The following SGMS2 variants were observed in gnomAD, a reference collection of about 807,000 sequenced individuals.
SGMS2 encodes sphingomyelin synthase 2.
A neutral mutation model predicts 43.8 loss-of-function variants in SGMS2; 21 were observed. The ratio of observed to expected loss-of-function variants is 0.48; its 90% CI spans 0.34 to 0.69. SGMS2 has a LOEUF of 0.69. Among genes scored for constraint, SGMS2 ranks in the 30% least tolerant of loss-of-function variants. The probability of loss-of-function intolerance (pLI) is 0.01; values close to 1 mark genes in which losing one functional copy is unlikely to be tolerated. For missense variants in SGMS2, 384 were observed against 443.2 expected (o/e 0.87, Z 1.20); for synonymous variants, 167 against 160.6 (o/e 1.04, Z -0.30).
chr4:107,897,783 T>C (rs1401153728), intron 3 of SGMS2, among the ~76,000 whole-genome samples: 1 of 152,220 alleles, frequency 6.6e-6, no homozygotes, highest in Non-Finnish European at 1.5e-5. Context: ...TCTTACATTT[T>C]AGTAACTAGT....
intron 2 of SGMS2, among the ~76,000 whole-genome samples, chr4:107,884,030 TAC>T (rs1219382221): frequency 1.3e-5 from 2 of 152,226 alleles, no homozygotes; most frequent in African/African-American, 4.8e-5. Context: ...TAATATTTTC[TAC>T]AGTTTGGACT....
intron 2 of SGMS2, among the ~76,000 whole-genome samples, chr4:107,886,147 G>A (rs1469391780): frequency 6.6e-6 from 1 of 151,876 alleles, no homozygotes; most frequent in Non-Finnish European, 1.5e-5. Context: ...GGTAGCAGCA[G>A]CAGGTTTACA....
chr4:107,866,582 A>C (rs145367143), intron 2 of SGMS2, among the ~76,000 whole-genome samples: 5,833 of 151,550 alleles, frequency 0.038, 157 homozygotes, highest in Middle Eastern at 0.11. Context: ...AAAACCAAAA[A>C]CAAAAAAAAA....
intron 1 of SGMS2, among the ~76,000 whole-genome samples, chr4:107,843,453 A>G (rs1726634810): frequency 6.6e-6 from 1 of 152,212 alleles, no homozygotes; most frequent in Admixed American, 6.5e-5. Flanking sequence ...TGGAAGCAGA[A>G]GTAGTGGAAG....
Position 107,908,626 on chromosome 4 carries a change from C to T in SGMS2, c.789C>T (p.Ile263=). The change falls in exon 6 of 7, where the codon ATC becomes ATT. Residue 263 remains isoleucine, a synonymous_variant. Transcript: ENST00000690982. ...GCTGGCTGCTGAGTGCTGCCGGGAT[C>T]ATCTGCATTCTTGTAGCACACGAAC... is the stretch of plus-strand genomic sequence containing the variant. ...LICWLLSAAG[I]ICILVAHEHY... 1.9e-6 allele frequency: 3 copies of T among 1,614,064 alleles called. No individual in the cohort carries two copies. Among genetic ancestry groups the T allele is most frequent in the Non-Finnish European group, 2.5e-6 (3 of 1,179,966 alleles).
chr4:107,836,475 C>T (rs1289768831), intron 1 of SGMS2, among the ~76,000 whole-genome samples: 6 of 152,090 alleles, frequency 3.9e-5, no homozygotes. Context: ...AATATCAATG[C>T]CATAAAATGT....
At chr4:107,835,447 A>G (rs1382567490) in intron 1 of SGMS2, among the ~76,000 whole-genome samples, 1 of 152,216 alleles carries the variant, frequency 6.6e-6, no homozygotes, top group Non-Finnish European at 1.5e-5. Context: ...ATAAATGTGC[A>G]CGTTTGAATA....
chr4:107,858,609 A>G (rs1727553561), intron 2 of SGMS2, 56 bp downstream of exon 2: 1 of 152,272 alleles, frequency 6.6e-6, no homozygotes, highest in Admixed American at 6.5e-5. Context: ...TCCTGCTGCT[A>G]TAGCATGAGT....
At position 107,910,462 on chromosome 4, in the gene SGMS2, C is replaced by CGCTGTCTTGGCCTCCTGGCT; in HGVS notation, c.1011_1030dup (p.Phe344CysfsTer63). On this transcript the variant is annotated frameshift_variant, in exon 7 of 7. Transcript: ENST00000690982. LOFTEE classifies it high-confidence loss of function. ...TCAATTCCTTGCTGCTTCTCCTGGC[C>CGCTGTCTTGGCCTCCTGGCT]GCTGTCTTGGCCTCCTGGCTGCTTC... 6.2e-7 allele frequency: 1 copy of CGCTGTCTTGGCCTCCTGGCT among 1,613,998 alleles called. No homozygotes were observed. Among genetic ancestry groups the CGCTGTCTTGGCCTCCTGGCT allele is most frequent in the Non-Finnish European group, 8.5e-7 (1 of 1,179,994 alleles).
chr4:107,836,740 G>T (rs1202288775), intron 1 of SGMS2, among the ~76,000 whole-genome samples: 1 of 152,132 alleles, frequency 6.6e-6, no homozygotes, highest in African/African-American at 2.4e-5. Context: ...TGGGAAGCAA[G>T]GCCACTGTAA....
chr4:107,895,854 C>T lies in SGMS2; in HGVS notation c.301C>T (p.His101Tyr), dbSNP rs1393609121. 1 of 1,613,854 alleles carries T rather than the reference C, an allele frequency of 6.2e-7. No homozygotes were observed. The highest frequency in any genetic ancestry group is 8.5e-7 in the Non-Finnish European group (1 of 1,179,950). ...GACAACCGTCATGATCACAGTTGTA[C>T]ATGAGAGGGTCCCTCCCAAGGAGCT... The part of the protein sequence containing the change: ...VLTTVMITVV[H>Y]ERVPPKELSP... The change falls in exon 3 of 7, where the codon CAT becomes TAT. Residue 101 changes from histidine to tyrosine, a missense_variant. By Grantham distance (83) the His-to-Tyr change is moderately conservative. Coordinates refer to ENST00000690982, the MANE Select transcript of SGMS2 (RefSeq NM_001375905.1).
intron 2 of SGMS2, among the ~76,000 whole-genome samples, chr4:107,877,913 C>CTT (rs774442653): frequency 0.011 from 1,091 of 102,160 alleles, 59 homozygotes; most frequent in African/African-American, 0.033. Context: ...TTTTTCTTTT[C>CTT]TTTTTTTTTT....
At chr4:107,896,077 A>T in intron 3 of SGMS2, 69 bp downstream of exon 3, 1 of 1,414,172 alleles carries the variant, frequency 7.1e-7, no homozygotes, top group African/African-American at 1.4e-5. Flanking sequence ...GGTTATTGAG[A>T]TTATTTTTCC....
Position 107,914,996 on chromosome 4 carries a change from T to A in SGMS2, c.*4443T>A, listed in dbSNP as rs915084130. ...TTTTAAAAAATGCAAGAGCCTATACTTTGTATTTACCTAATAAACCACAGT... is the reference window on the plus strand; with the variant it reads ...TTTTAAAAAATGCAAGAGCCTATACATTGTATTTACCTAATAAACCACAGT... On this transcript the variant is annotated 3_prime_UTR_variant, in exon 7 of 7. Transcript: ENST00000690982. 6.6e-6 allele frequency: 1 copy of A among 152,220 alleles called. No individual in the cohort carries two copies. Among genetic ancestry groups the A allele is most frequent in the African/African-American group, 2.4e-5 (1 of 41,468 alleles). 9.4% of individuals were successfully genotyped at this position (152,220 alleles called of 1,614,324 possible). A position where few individuals can be genotyped will look rare whatever the true frequency, so the allele number is the denominator to read the frequency against.
At chr4:107,907,758 T>C (rs1249653816) in intron 5 of SGMS2, among the ~76,000 whole-genome samples, 2 of 152,264 alleles carry the variant, frequency 1.3e-5, no homozygotes, top group Non-Finnish European at 2.9e-5. Context: ...ACTTTTATTG[T>C]GAGCTAATAC....
Position 107,903,125 on chromosome 4 carries a change from G to GA in SGMS2, c.574-98dup, listed in dbSNP as rs953471786. On this transcript the variant is annotated intron_variant, in intron 4 of 6. Transcript: ENST00000690982. ...TCTTTTTGACTTTCTAGGTTAAAAA[G>GA]AAAAAAAAAATCACAACCTGGTGTC... 5.8e-3 allele frequency: 5,888 copies of GA among 1,021,064 alleles called. 2 individuals carry two copies. Among genetic ancestry groups the GA allele is most frequent in the Non-Finnish European group, 6.7e-3 (4,578 of 684,226 alleles). The allele number at this position is 1,021,064 out of a possible 1,614,324, so 63.3% of individuals were successfully genotyped here. A position where few individuals can be genotyped will look rare whatever the true frequency, so the allele number is the denominator to read the frequency against.
At chr4:107,824,911 G>A (rs1475820134), upstream of SGMS2, 1 of 152,010 alleles carries the variant, frequency 6.6e-6, no homozygotes, top group Non-Finnish European at 1.5e-5. Context: ...CGGGGAGAGC[G>A]GGCGCGGGGC....
At position 107,827,584 on chromosome 4, in the gene SGMS2, G is replaced by A. The variant is rs371134479; in HGVS notation, c.-327+2331G>A. Among the ~76,000 whole-genome samples, 5 of 152,252 alleles carry A rather than the reference G, an allele frequency of 3.3e-5. No individual in the cohort carries two copies. The East Asian group carries it at 5.8e-4, about 18-fold the overall frequency. ...ATAAAAGTATGCCTTGCTTTACACA[G>A]TAAAATATTACGGACAAGTGATAGC... On this transcript the variant is annotated intron_variant, in intron 1 of 6. Transcript: ENST00000690982.
intron 1 of SGMS2, among the ~76,000 whole-genome samples, chr4:107,842,881 T>G (rs1348655167): frequency 6.6e-6 from 1 of 152,322 alleles, no homozygotes; most frequent in Non-Finnish European, 1.5e-5. Context: ...TTCCCTTTAG[T>G]AGGGGCAGGA....
Sources: gnomAD v4.1 joint callset for allele counts (sites outside exome capture counted in the v4.1 genomes callset) on GRCh38, gnomAD v4.1.1 for gene constraint, MANE v1.5 for transcripts, NCBI Gene and HGNC (gene_info 2026-07-23, HGNC 2026-07-21) for gene names.